RTN3: variants seen among roughly 807,000 people sequenced by gnomAD.
RTN3 encodes the protein reticulon-3.
RTN3 carries 49 observed loss-of-function variants against 77.8 expected under a neutral mutation model. The ratio of observed to expected loss-of-function variants is 0.63; its 90% CI spans 0.50 to 0.80. The LOEUF (loss-of-function observed/expected upper bound fraction) is 0.80. RTN3 is among the 30% of genes least tolerant of loss of function. The probability of loss-of-function intolerance (pLI) is 0.00; values close to 1 mark genes in which losing one functional copy is unlikely to be tolerated. For missense variants in RTN3, 1,236 were observed against 1,211.9 expected, an observed-to-expected ratio of 1.02 and a Z score of -0.29; for synonymous variants, 464 against 446.9, an observed-to-expected ratio of 1.04 and a Z score of -0.48.
chr11:63,682,975 T>A (rs200575731), intron 1 of RTN3, among the ~76,000 whole-genome samples: 25 of 152,208 alleles, frequency 1.6e-4, no homozygotes, highest in African/African-American at 5.3e-4. Flanking sequence ...TATTTAGTTA[T>A]GTTAAAGGAT....
chr11:63,694,301 C>T (rs1941820321), intron 1 of RTN3, among the ~76,000 whole-genome samples: 2 of 151,858 alleles, frequency 1.3e-5, no homozygotes, highest in African/African-American at 4.8e-5. Context: ...CTCAGCCTCC[C>T]AAGTAGCTGG....
At position 63,729,568 on chromosome 11, in the gene RTN3, G is replaced by A. The variant is rs569113395; in HGVS notation, c.2530+8536G>A. 5.5e-5 allele frequency among the ~76,000 whole-genome samples: 8 copies of A among 145,788 alleles called. No individual in the cohort carries two copies. The East Asian group carries it at 1.4e-3, about 26-fold the overall frequency. On this transcript the variant is annotated intron_variant, in intron 3 of 8. Transcript: ENST00000377819. ...GACCTCCTGGGCTCAAGCAATCCTC[G>A]TGCCTCAGCCTCCCATGTACCTGGG...
chr11:63,736,788 C>CT (rs1264566251), intron 3 of RTN3, among the ~76,000 whole-genome samples: 1 of 152,052 alleles, frequency 6.6e-6, no homozygotes, highest in Non-Finnish European at 1.5e-5. Context: ...TTTTTATATC[C>CT]TTGGGGATCC....
chr11:63,693,677 C>T (rs924990323), intron 1 of RTN3, among the ~76,000 whole-genome samples: 1 of 152,128 alleles, frequency 6.6e-6, no homozygotes, highest in African/African-American at 2.4e-5. Context: ...AGAGAGTTTT[C>T]CTGTAAGCCC....
intron 3 of RTN3, among the ~76,000 whole-genome samples, chr11:63,744,830 A>G (rs1294369039): frequency 1.3e-5 from 2 of 152,178 alleles, no homozygotes; most frequent in African/African-American, 2.4e-5. Flanking sequence ...TGCCTCTACA[A>G]AAAATAGAAA....
intron 3 of RTN3, 132 bp from the exon 4 acceptor site, chr11:63,749,858 TA>T (rs986604567): frequency 5.7e-6 from 4 of 706,706 alleles, no homozygotes; most frequent in Non-Finnish European, 7.1e-6. Context: ...CCCATCTCTT[TA>T]AAAAAACAAA....
intron 3 of RTN3, among the ~76,000 whole-genome samples, chr11:63,744,679 T>C (rs2013694426): frequency 6.6e-6 from 1 of 152,104 alleles, no homozygotes; most frequent in Non-Finnish European, 1.5e-5. Context: ...AACAGGTACA[T>C]GAAAATAAAA....
At position 63,719,542 on chromosome 11, in the gene RTN3, A is replaced by G. The variant is rs754693537; in HGVS notation, c.1040A>G (p.Gln347Arg). Residue 347 changes from glutamine (Q) to arginine (R), a missense_variant, in exon 3 of 9, where the codon CAA (glutamine) becomes CGA (arginine). By Grantham distance (43) the Gln-to-Arg change is conservative (BLOSUM62 1). This residue lies in a region of RTN3 where 1,056 missense variants were observed against 990.4 expected (regional missense o/e 1.07). Coordinates refer to ENST00000377819, the MANE Select transcript of RTN3 (RefSeq NM_001265589.2). Reference sequence around the variant, plus strand: ...ATACTGACTTGGGATCTGGTTCCCCAAGTGAAACAACAGACCGATAAATCT... The same window carrying G: ...ATACTGACTTGGGATCTGGTTCCCCGAGTGAAACAACAGACCGATAAATCT... ...NEILTWDLVPQVKQQTDKSSD... is the reference protein window; with the variant it reads ...NEILTWDLVPRVKQQTDKSSD... 5.6e-6 allele frequency: 9 copies of G among 1,614,212 alleles called. No individual in the cohort carries two copies. The highest frequency in any genetic ancestry group is 1.6e-4 in the Middle Eastern group (1 of 6,062).
chr11:63,681,835 CTGGGGGG>C (rs1941069307), intron 1 of RTN3, 57 bp downstream of exon 1: 2 of 1,462,584 alleles, frequency 1.4e-6, no homozygotes, highest in Admixed American at 5.4e-5. Context: ...AGCCTGGGGG[CTGGGGGG>C]ATTAGGAGGC....
At chr11:63,717,952 T>G (rs185290831) in intron 2 of RTN3, among the ~76,000 whole-genome samples, 259 of 150,340 alleles carry the variant, frequency 1.7e-3, no homozygotes, top group African/African-American at 6.2e-3. Flanking sequence ...GAGGTGGAGG[T>G]TGCAGTGAGC....
chr11:63,725,013 G>A lies in RTN3; in HGVS notation c.2530+3981G>A, dbSNP rs1250373717. 2.0e-5 allele frequency among the ~76,000 whole-genome samples: 3 copies of A among 150,436 alleles called. No individual in the cohort carries two copies. The South Asian group carries it at 6.3e-4, about 32-fold the overall frequency. On this transcript the variant is annotated intron_variant, in intron 3 of 8. Coordinates refer to ENST00000377819, the MANE Select transcript of RTN3 (RefSeq NM_001265589.2). ...AAAAATATAGAAAAGTACAAAGGCAGCCTACACCCATATCTTCTCTATATG... is the reference window on the plus strand; with the variant it reads ...AAAAATATAGAAAAGTACAAAGGCAACCTACACCCATATCTTCTCTATATG...
At chr11:63,705,142 AG>A (rs1215260624) in intron 2 of RTN3, among the ~76,000 whole-genome samples, 1 of 152,242 alleles carries the variant, frequency 6.6e-6, no homozygotes, top group African/African-American at 2.4e-5. Flanking sequence ...AGTAGTTTTG[AG>A]TATTTCTTTA....
intron 1 of RTN3, among the ~76,000 whole-genome samples, chr11:63,703,069 T>C: frequency 6.6e-6 from 1 of 152,122 alleles, no homozygotes; most frequent in Non-Finnish European, 1.5e-5. Context: ...TCTACATCTG[T>C]GGATTCAACC....
chr11:63,683,943 CTTTTTT>C (rs35837590), intron 1 of RTN3, among the ~76,000 whole-genome samples: 54 of 58,934 alleles, frequency 9.2e-4, no homozygotes, highest in African/African-American at 3.5e-3. Flanking sequence ...TCTTTTCTTT[CTTTTTT>C]TTTTTTTTTT....
Position 63,701,088 on chromosome 11 carries a change from C to CAA in RTN3, c.143-3749_143-3748dup, listed in dbSNP as rs35169888. ...CTGGTGACAGAGCGAGACTCCTTCTCAAAAAAAAAAAAAAAGAATTTTCAG... is the reference window on the plus strand; with the variant it reads ...CTGGTGACAGAGCGAGACTCCTTCTCAAAAAAAAAAAAAAAAAGAATTTTCAG... On this transcript the variant is annotated intron_variant, in intron 1 of 8. Transcript: ENST00000377819. 3.1e-3 allele frequency among the ~76,000 whole-genome samples: 423 copies of CAA among 135,348 alleles called. 2 individuals carry two copies. The highest frequency in any genetic ancestry group is 0.013 in the East Asian group (60 of 4,718). The allele number at this position is 135,348 out of a possible 152,430, so 88.8% of individuals were successfully genotyped here.
chr11:63,685,779 T>C (rs1941336256), intron 1 of RTN3, among the ~76,000 whole-genome samples: 1 of 152,212 alleles, frequency 6.6e-6, no homozygotes, highest in South Asian at 2.1e-4. Flanking sequence ...GTCTTGATTT[T>C]AGTTAAAGAA....
In RTN3 at chr11:63,759,333, C is replaced by G. The variant is rs2014549310; in HGVS notation, c.*1132C>G. On this transcript the variant is annotated 3_prime_UTR_variant, in exon 9 of 9. Transcript: ENST00000377819. ...GTTCCTTCAGGTTCTCACTCATAGTCATGATCCTTCAGAGGGAATATGCAC... is the reference window on the plus strand; with the variant it reads ...GTTCCTTCAGGTTCTCACTCATAGTGATGATCCTTCAGAGGGAATATGCAC... The G allele has an allele frequency of 6.6e-6, 1 of 152,444 alleles. No homozygotes were observed. The highest frequency in any genetic ancestry group is 6.5e-5 in the Admixed American group (1 of 15,280). The allele number at this position is 152,444 out of a possible 1,614,324, so 9.4% of individuals were successfully genotyped here. A position where few individuals can be genotyped will look rare whatever the true frequency, so the allele number is the denominator to read the frequency against.
chr11:63,697,944 G>A (rs1289836722), intron 1 of RTN3, among the ~76,000 whole-genome samples: 6 of 151,872 alleles, frequency 4.0e-5, no homozygotes, highest in Admixed American at 3.9e-4. Flanking sequence ...CCTCAACGTT[G>A]CCTCTCCCTA....
At chr11:63,741,197 A>T (rs1445871950) in intron 3 of RTN3, among the ~76,000 whole-genome samples, 10 of 145,338 alleles carry the variant, frequency 6.9e-5, no homozygotes, top group Non-Finnish European at 1.2e-4. Flanking sequence ...TTATTTATTT[A>T]TTTATTTATT....
Sources: allele counts gnomAD v4.1 joint callset (sites outside exome capture counted in the v4.1 genomes callset), GRCh38; gene constraint gnomAD v4.1.1; regional missense constraint gnomAD v4.1.1; transcripts MANE v1.5; gene names NCBI Gene and HGNC (gene_info 2026-07-23, HGNC 2026-07-21).